The following MAGI2 variants were observed in gnomAD, a reference collection of about 807,000 sequenced individuals.
The protein encoded by MAGI2 is membrane-associated guanylate kinase, WW and PDZ domain-containing protein 2.
MAGI2 carries 35 observed loss-of-function variants against 133.3 expected under a neutral mutation model. The ratio of observed to expected loss-of-function variants is 0.26; its 90% CI spans 0.20 to 0.35. The LOEUF (loss-of-function observed/expected upper bound fraction) is 0.35. MAGI2 is among the 10% of genes least tolerant of loss of function. The pLI is 1.00. For missense variants in MAGI2, 1,636 were observed against 1,863.4 expected (o/e 0.88, Z 2.25); for synonymous variants, 729 against 710.6 (o/e 1.03, Z -0.41).
intron 1 of MAGI2, among the ~76,000 whole-genome samples, chr7:79,331,047 A>G (rs1298645104): frequency 2.0e-5 from 3 of 152,182 alleles, no homozygotes; most frequent in African/African-American, 4.8e-5. Flanking sequence ...GCTGTCTATT[A>G]AGAGCTGCCA....
At chr7:78,172,321 T>C (rs1247995726) in intron 14 of MAGI2, among the ~76,000 whole-genome samples, 2 of 152,228 alleles carry the variant, frequency 1.3e-5, no homozygotes, top group Non-Finnish European at 2.9e-5. Flanking sequence ...CTTGCCACTA[T>C]GGCGAGCAGA....
intron 19 of MAGI2, 122 bp from the exon 20 acceptor site, chr7:78,125,959 G>A: frequency 9.6e-7 from 1 of 1,039,216 alleles, no homozygotes; most frequent in Non-Finnish European, 1.4e-6. Flanking sequence ...ATGATGTTGG[G>A]AGAAGTCGTA....
At chr7:79,294,721 CTTT>C (rs1161010284) in intron 1 of MAGI2, among the ~76,000 whole-genome samples, 2 of 83,166 alleles carry the variant, frequency 2.4e-5, no homozygotes, top group Non-Finnish European at 4.3e-5. Context: ...ATTTTGGTAG[CTTT>C]TTTTTTTTTT....
At chr7:78,450,212 C>A (rs116421527) in intron 6 of MAGI2, among the ~76,000 whole-genome samples, 2,255 of 151,956 alleles carry the variant, frequency 0.015, 50 homozygotes, top group African/African-American at 0.051. Context: ...ATGAACAATA[C>A]AAAATATTGA....
At chr7:78,485,688 C>T (rs1310076764) in intron 6 of MAGI2, 4 of 151,644 alleles carry the variant, frequency 2.6e-5, no homozygotes, top group African/African-American at 9.7e-5. Context: ...CAAACATTTC[C>T]AGATACATAT....
intron 3 of MAGI2, among the ~76,000 whole-genome samples, chr7:78,580,208 A>G (rs2150806630): frequency 6.6e-6 from 1 of 152,304 alleles, no homozygotes; most frequent in South Asian, 2.1e-4. Context: ...AATAAGATAG[A>G]TCAAAAACAC....
chr7:79,217,348 A>G (rs1830101310), intron 1 of MAGI2, among the ~76,000 whole-genome samples: 1 of 152,038 alleles, frequency 6.6e-6, no homozygotes, highest in Non-Finnish European at 1.5e-5. Context: ...TTTAGTCCCT[A>G]TCATATATTT....
At chr7:78,253,661 T>C (rs1792664462) in intron 10 of MAGI2, 1 of 152,210 alleles carries the variant, frequency 6.6e-6, no homozygotes, top group African/African-American at 2.4e-5. Flanking sequence ...TATTTGCTTC[T>C]GGGAGAAAGG....
At chr7:78,192,636 G>A (rs1411736216) in intron 12 of MAGI2, among the ~76,000 whole-genome samples, 1 of 151,634 alleles carries the variant, frequency 6.6e-6, no homozygotes, top group African/African-American at 2.4e-5. Flanking sequence ...TTAATCTTCA[G>A]TGGTAGAGCT....
At chr7:78,936,146 T>C (rs1800497359) in intron 2 of MAGI2, among the ~76,000 whole-genome samples, 1 of 151,708 alleles carries the variant, frequency 6.6e-6, no homozygotes, top group Non-Finnish European at 1.5e-5. Context: ...CATTCAACAA[T>C]GTATGTAAGG....
intron 2 of MAGI2, among the ~76,000 whole-genome samples, chr7:78,891,745 A>G (rs890054106): frequency 6.6e-6 from 1 of 152,232 alleles, no homozygotes. Flanking sequence ...AATAAGAGCT[A>G]TCTATGACAA....
intron 2 of MAGI2, among the ~76,000 whole-genome samples, chr7:78,923,408 A>G (rs1028118935): frequency 5.9e-5 from 9 of 152,224 alleles, no homozygotes; most frequent in Non-Finnish European, 1.2e-4. Context: ...AGATTTCTAC[A>G]TATGGCTAGC....
Position 79,327,366 on chromosome 7 carries a change from T to C in MAGI2, c.301+125654A>G, listed in dbSNP as rs114931427. 4.8e-3 allele frequency among the ~76,000 whole-genome samples: 733 copies of C among 152,256 alleles called. 4 individuals carry two copies. The highest frequency in any genetic ancestry group is 0.017 in the African/African-American group (694 of 41,548). On this transcript the variant is annotated intron_variant, in intron 1 of 21. Transcript: ENST00000354212. ...AGATGGTGTTTGTAAGAAATGCTTA[T>C]AGACAGAGTAGATGAAGTGCCCCTG... is the stretch of plus-strand genomic sequence containing the variant.
intron 6 of MAGI2, among the ~76,000 whole-genome samples, chr7:78,395,460 A>C (rs577781544): frequency 2.5e-4 from 38 of 152,250 alleles, no homozygotes; most frequent in African/African-American, 8.9e-4. Context: ...TGTCTTCATC[A>C]TCCAGCTCCT....
At chr7:79,149,027 G>T (rs1489479400) in intron 1 of MAGI2, among the ~76,000 whole-genome samples, 4 of 143,334 alleles carry the variant, frequency 2.8e-5, no homozygotes, top group African/African-American at 1.0e-4. Context: ...AATAGCACTA[G>T]ATTTTAGGAA....
At chr7:78,854,652 T>C (rs1401982384) in intron 2 of MAGI2, among the ~76,000 whole-genome samples, 1 of 144,992 alleles carries the variant, frequency 6.9e-6, no homozygotes, top group Non-Finnish European at 1.5e-5. Context: ...CTGGATTCCT[T>C]TTTTTTTTTT....
At chr7:78,091,423 G>T (rs1817198667) in intron 20 of MAGI2, among the ~76,000 whole-genome samples, 1 of 152,162 alleles carries the variant, frequency 6.6e-6, no homozygotes. Context: ...AACCAGAACT[G>T]TGAGAAATAA....
chr7:79,310,781 T>G (rs1188804423), intron 1 of MAGI2, among the ~76,000 whole-genome samples: 2 of 152,158 alleles, frequency 1.3e-5, no homozygotes, highest in East Asian at 3.9e-4. Context: ...TGACCCTAGT[T>G]GAGACCAATC....
At chr7:78,185,821 T>C (rs568448384) in intron 12 of MAGI2, 151 bp from the exon 13 acceptor site, 181 of 510,152 alleles carry the variant, frequency 3.5e-4, no homozygotes, top group African/African-American at 2.5e-3. Context: ...TCCAAGTTAG[T>C]GGACAAATTT....
Sources: gnomAD v4.1 joint callset for allele counts (sites outside exome capture counted in the v4.1 genomes callset) on GRCh38, gnomAD v4.1.1 for gene constraint, MANE v1.5 for transcripts, NCBI Gene and HGNC (gene_info 2026-07-23, HGNC 2026-07-21) for gene names.